Variants in SH3KBP1 observed in about 807,000 individuals in gnomAD.
The protein encoded by SH3KBP1 is SH3 domain containing kinase binding protein 1, also known as SH3 domain-containing kinase-binding protein 1.
In SH3KBP1, 8 loss-of-function variants were observed where a neutral mutation model predicts 50.1. The observed-to-expected ratio is 0.16, with a 90% CI of 0.09 to 0.29. The LOEUF (loss-of-function observed/expected upper bound fraction) is 0.29. SH3KBP1 is among the 10% of genes least tolerant of loss of function. The pLI is 1.00. For synonymous variants in SH3KBP1, 227 were observed against 218.6 expected, an observed-to-expected ratio of 1.04 and a Z score of -0.34; for missense variants, 377 against 535.2, an observed-to-expected ratio of 0.70 and a Z score of 2.92.
intron 16 of SH3KBP1, among the ~76,000 whole-genome samples, chrX:19,540,855 C>G (rs1000772571): frequency 3.6e-5 from 4 of 111,975 alleles, no homozygotes; most frequent in East Asian, 5.6e-4. Context: ...TTGATTCTCT[C>G]AAGAAACAGC....
chrX:19,733,888 C>T (rs1367268699), intron 3 of SH3KBP1, among the ~76,000 whole-genome samples: 1 of 111,784 alleles, frequency 8.9e-6, no homozygotes, highest in Non-Finnish European at 1.9e-5. Flanking sequence ...GAACACTAAG[C>T]AGCACTCTCC....
intron 1 of SH3KBP1, among the ~76,000 whole-genome samples, chrX:19,838,445 C>G (rs768532920): frequency 1.4e-4 from 16 of 112,210 alleles, no homozygotes; most frequent in Non-Finnish European, 2.8e-4. Context: ...CATGGGGTGC[C>G]CTGCAGTTCT....
chrX:19,736,070 G>A (rs2064563755), intron 3 of SH3KBP1, among the ~76,000 whole-genome samples: 1 of 111,359 alleles, frequency 9.0e-6, no homozygotes, highest in African/African-American at 3.3e-5. Flanking sequence ...CCTGGAGAAG[G>A]TGCCATGTGC....
At chrX:19,804,895 C>CA (rs1556390365) in intron 2 of SH3KBP1, among the ~76,000 whole-genome samples, 1 of 87,275 alleles carries the variant, frequency 1.1e-5, no homozygotes, top group Admixed American at 1.4e-4. Flanking sequence ...CCCCCCCCCC[C>CA]ACCCGCTGCC....
At chrX:19,806,007 A>G (rs1345416336) in intron 2 of SH3KBP1, among the ~76,000 whole-genome samples, 1 of 111,492 alleles carries the variant, frequency 9.0e-6, no homozygotes, top group Admixed American at 9.5e-5. Context: ...GTGTATCAAG[A>G]AAGGTACTCT....
At chrX:19,760,397 AATAC>A (rs545437176) in intron 2 of SH3KBP1, among the ~76,000 whole-genome samples, 12,460 of 96,391 alleles carry the variant, frequency 0.13, 856 homozygotes, top group East Asian at 0.18. Flanking sequence ...AAAATAAATA[AATAC>A]ATACATACAT....
intron 12 of SH3KBP1, among the ~76,000 whole-genome samples, chrX:19,573,137 T>C (rs771076641): frequency 1.8e-5 from 2 of 111,938 alleles, no homozygotes; most frequent in East Asian, 5.6e-4. Context: ...TTGTATGCTG[T>C]TCAGTATGAT....
intron 6 of SH3KBP1, among the ~76,000 whole-genome samples, chrX:19,668,181 T>C (rs2062659270): frequency 9.0e-6 from 1 of 111,321 alleles, no homozygotes; most frequent in Non-Finnish European, 1.9e-5. Flanking sequence ...AAGAGTGATG[T>C]GTGTACTGCA....
At chrX:19,666,650 C>T (rs2062606389) in intron 6 of SH3KBP1, among the ~76,000 whole-genome samples, 1 of 111,412 alleles carries the variant, frequency 9.0e-6, no homozygotes. Flanking sequence ...TACCACTTCA[C>T]ACCCATTAGG....
rs201544483 is a variant in SH3KBP1, at chrX:19,643,300, A to ATTTTTTTTT, written c.802+2099_802+2100insAAAAAAAAA. Among the ~76,000 whole-genome samples the ATTTTTTTTT allele has an allele frequency of 1.5e-3, 129 of 86,881 alleles. 20 individuals are homozygous for ATTTTTTTTT. Among genetic ancestry groups the ATTTTTTTTT allele is most frequent in the African/African-American group, 3.8e-3 (66 of 17,422 alleles). The allele number at this position is 86,881 out of a possible 115,157, so 75.4% of individuals were successfully genotyped here. On this transcript the variant is annotated intron_variant, in intron 7 of 17. Transcript: ENST00000397821. Reference sequence around the variant, plus strand: ...AGTGTGTGTGGGCTGAAACTGAAGAATTTTTTATTTTTTTTTTTTTTATTT... The same window carrying ATTTTTTTTT: ...AGTGTGTGTGGGCTGAAACTGAAGAATTTTTTTTTTTTTTTATTTTTTTTTTTTTTATTT...
At chrX:19,874,068 A>AAAAAATATATATAT in intron 1 of SH3KBP1, among the ~76,000 whole-genome samples, 1 of 57,043 alleles carries the variant, frequency 1.8e-5, no homozygotes, top group African/African-American at 1.6e-4. Context: ...AAAAAAAAAA[A>AAAAAATATATATAT]ATATATATAT....
chrX:19,778,430 CAAA>C (rs374544534), intron 2 of SH3KBP1, among the ~76,000 whole-genome samples: 1 of 46,544 alleles, frequency 2.1e-5, no homozygotes, highest in Non-Finnish European at 4.2e-5. Context: ...GACTCCATCT[CAAA>C]AAAAAAAAAA....
intron 2 of SH3KBP1, among the ~76,000 whole-genome samples, chrX:19,815,472 C>A: frequency 9.0e-6 from 1 of 111,224 alleles, no homozygotes; most frequent in Non-Finnish European, 1.9e-5. Context: ...TCACTACAGA[C>A]CTTATTCCGT....
intron 1 of SH3KBP1, among the ~76,000 whole-genome samples, chrX:19,864,814 T>C (rs1360223024): frequency 8.9e-6 from 1 of 112,165 alleles, no homozygotes; most frequent in Admixed American, 9.4e-5. Flanking sequence ...GTACCACCGC[T>C]GCGTCTTTTG....
intron 2 of SH3KBP1, among the ~76,000 whole-genome samples, chrX:19,764,844 C>T (rs897557981): frequency 7.6e-5 from 8 of 105,714 alleles, no homozygotes; most frequent in African/African-American, 2.8e-4. Flanking sequence ...GAGTCTTGCT[C>T]TGTTGCCAGG....
chrX:19,619,596 G>A (rs2067740969), intron 8 of SH3KBP1, among the ~76,000 whole-genome samples: 1 of 111,069 alleles, frequency 9.0e-6, no homozygotes, highest in African/African-American at 3.3e-5. Context: ...GACTAGCCTG[G>A]CCAACATAAA....
intron 3 of SH3KBP1, among the ~76,000 whole-genome samples, chrX:19,723,380 A>G (rs2148732723): frequency 8.9e-6 from 1 of 112,173 alleles, no homozygotes; most frequent in African/African-American, 3.2e-5. Context: ...AAAGAGAAGC[A>G]TAGCTCTAAA....
intron 1 of SH3KBP1, among the ~76,000 whole-genome samples, chrX:19,851,528 G>A (rs1017874): frequency 0.25 from 28,137 of 111,005 alleles, 4,035 homozygotes; most frequent in African/African-American, 0.55. Context: ...CTTCATAAAT[G>A]TTTACCAAAT....
At chrX:19,588,475 C>A in intron 12 of SH3KBP1, 168 bp downstream of exon 12, 3 of 1,186,734 alleles carry the variant, frequency 2.5e-6, no homozygotes, top group Non-Finnish European at 3.4e-6. Flanking sequence ...GGAGCAAGGA[C>A]AGAAGTGGCC....
Sources: allele counts gnomAD v4.1 joint callset (sites outside exome capture counted in the v4.1 genomes callset), GRCh38; gene constraint gnomAD v4.1.1; transcripts MANE v1.5; gene names NCBI Gene and HGNC (gene_info 2026-07-23, HGNC 2026-07-21).